Variants in RIMKLB observed in about 807,000 individuals in gnomAD.
RIMKLB encodes ribosomal modification protein rimK like family member B.
Under a neutral mutation model 32.0 loss-of-function variants are expected in RIMKLB, and 7 were observed. That is an observed-to-expected ratio of 0.22 (90% CI 0.12 to 0.41). The LOEUF (loss-of-function observed/expected upper bound fraction) is 0.41, where lower values mean the gene tolerates loss of function less well. RIMKLB is among the 10% of genes least tolerant of loss of function. RIMKLB has a pLI of 1.00. For synonymous variants in RIMKLB, 172 were observed against 185.1 expected (o/e 0.93, Z 0.57); for missense variants, 289 against 498.7 (o/e 0.58, Z 4.00).
In RIMKLB at chr12:8,754,009, C is replaced by T. The variant is rs1294685963; in HGVS notation, c.613C>T (p.Arg205Cys). The change falls in exon 5 of 6, where the codon CGT becomes TGT. Residue 205 changes from arginine to cysteine, a missense_variant. Arg to Cys is a radical substitution (Grantham distance 180). This residue lies in a region of RIMKLB where 156 missense variants were observed against 329.5 expected (regional missense o/e 0.47). Transcript: ENST00000535829. Reference protein sequence around the residue: ...YVKESHGRDVRVIVVGGRVVG... With the variant: ...YVKESHGRDVCVIVVGGRVVG... ...TAAAGAGTCTCATGGACGGGATGTACGTGTCATTGTCGTGGGAGGCCGTGT... is the reference window on the plus strand; with the variant it reads ...TAAAGAGTCTCATGGACGGGATGTATGTGTCATTGTCGTGGGAGGCCGTGT... 1 of 1,613,910 alleles carries T rather than the reference C, an allele frequency of 6.2e-7. No homozygotes were observed. Among genetic ancestry groups the T allele is most frequent in the Non-Finnish European group, 8.5e-7 (1 of 1,179,856 alleles).
At chr12:8,771,963 A>G (rs1950443908) in intron 5 of RIMKLB, among the ~76,000 whole-genome samples, 1 of 152,156 alleles carries the variant, frequency 6.6e-6, no homozygotes. Flanking sequence ...ATCTTGGCTC[A>G]CAGCAACTTC....
intron 5 of RIMKLB, among the ~76,000 whole-genome samples, chr12:8,763,108 C>T (rs978900386): frequency 1.3e-5 from 2 of 152,188 alleles, no homozygotes; most frequent in Admixed American, 1.3e-4. Flanking sequence ...ACAGTAAGAT[C>T]TCTTCCCTGT....
At chr12:8,710,607 A>G (rs927350765) in intron 1 of RIMKLB, among the ~76,000 whole-genome samples, 13 of 152,152 alleles carry the variant, frequency 8.5e-5, no homozygotes, top group African/African-American at 3.1e-4. Context: ...TGCCTGGCCT[A>G]GAAAAACATG....
At chr12:8,781,829 AAGAATGTAAATTTCAATTAAATTTAT>A (rs1265097228), downstream of RIMKLB, among the ~76,000 whole-genome samples, 10 of 151,488 alleles carry the variant, frequency 6.6e-5, no homozygotes, top group East Asian at 1.2e-3. Context: ...TCTAGAATTA[AAGAATGTAAATTTCAATTAAATTTAT>A]AGAATGTAAA....
intron 1 of RIMKLB, among the ~76,000 whole-genome samples, chr12:8,682,618 A>C (rs1397069910): frequency 6.6e-6 from 1 of 151,670 alleles, no homozygotes; most frequent in Non-Finnish European, 1.5e-5. Context: ...TAAGAACACC[A>C]AAAATTAGCC....
At chr12:8,766,781 T>C (rs1389910868) in intron 5 of RIMKLB, among the ~76,000 whole-genome samples, 2 of 152,240 alleles carry the variant, frequency 1.3e-5, no homozygotes, top group Non-Finnish European at 2.9e-5. Flanking sequence ...GGAAATCTGC[T>C]AGGTTAAGGG....
chr12:8,758,349 A>G (rs1052124558), intron 5 of RIMKLB, among the ~76,000 whole-genome samples: 1 of 151,528 alleles, frequency 6.6e-6, no homozygotes, highest in African/African-American at 2.4e-5. Flanking sequence ...TTGAACTCTT[A>G]GCCTCAAGTG....
At chr12:8,673,600 CTT>C in the RIMKLB span, among the ~76,000 whole-genome samples, 8 of 143,658 alleles carry the variant, frequency 5.6e-5, no homozygotes, top group Non-Finnish European at 1.1e-4. Context: ...ACTCGAGCTT[CTT>C]TTTTTTTTTT....
chr12:8,735,692 T>C (rs1306190946), intron 2 of RIMKLB, among the ~76,000 whole-genome samples: 1 of 151,816 alleles, frequency 6.6e-6, no homozygotes, highest in African/African-American at 2.4e-5. Flanking sequence ...TTTATGGGAA[T>C]GGTTATTGAT....
intron 1 of RIMKLB, among the ~76,000 whole-genome samples, chr12:8,708,115 T>C (rs1399914916): frequency 2.6e-5 from 4 of 152,210 alleles, no homozygotes. Context: ...TTCCATTATG[T>C]GTTACAGTAG....
chr12:8,674,224 TTTTTTTTTTTTTTTCC>T, the RIMKLB span, among the ~76,000 whole-genome samples: 4 of 111,602 alleles, frequency 3.6e-5, no homozygotes, highest in African/African-American at 9.0e-5. Flanking sequence ...TCACAATTCT[TTTTTTTTTTTTTTTCC>T]TTTTTTTTTT....
the RIMKLB span, among the ~76,000 whole-genome samples, chr12:8,672,749 T>C: frequency 6.6e-6 from 1 of 152,118 alleles, no homozygotes; most frequent in South Asian, 2.1e-4. Flanking sequence ...GGAAGTGTGC[T>C]ACCTCCCCGC....
chr12:8,717,441 T>TC (rs1944972850), intron 2 of RIMKLB, among the ~76,000 whole-genome samples: 1 of 152,072 alleles, frequency 6.6e-6, no homozygotes, highest in African/African-American at 2.4e-5. Flanking sequence ...CCTTTTTTTT[T>TC]TCCCTCATTG....
intron 2 of RIMKLB, among the ~76,000 whole-genome samples, chr12:8,745,367 A>G (rs111635837): frequency 0.033 from 4,924 of 150,148 alleles, 151 homozygotes; most frequent in Admixed American, 0.066. Context: ...ATATATTCCT[A>G]TTTCTTTAGC....
At chr12:8,750,185 A>G (rs1565613686) in intron 3 of RIMKLB, 93 bp downstream of exon 3, 4 of 704,226 alleles carry the variant, frequency 5.7e-6, no homozygotes, top group Admixed American at 2.3e-5. Context: ...ACCTTATAGA[A>G]GTGTCTTTCA....
intron 4 of RIMKLB, among the ~76,000 whole-genome samples, chr12:8,753,073 A>T (rs1006437586): frequency 6.6e-6 from 1 of 152,158 alleles, no homozygotes; most frequent in Non-Finnish European, 1.5e-5. Flanking sequence ...GCATAAAATG[A>T]TATATCAGTC....
downstream of RIMKLB, chr12:8,777,610 A>G: frequency 1.6e-6 from 2 of 1,288,862 alleles, no homozygotes; most frequent in African/African-American, 1.5e-5. Context: ...AGCCAAAAAA[A>G]CAAATACAAA....
rs374947376 is a variant in RIMKLB at position 8,750,347 on chromosome 12, C to T, written c.406+255C>T. ...GCCATTAAGTTCTCTGGTAACCCTC[C>T]GTAATGCTGTTGTAGCATGAAAGCT... On this transcript the variant is annotated intron_variant, in intron 3 of 5. Coordinates refer to ENST00000535829, the MANE Select transcript of RIMKLB (RefSeq NM_001297776.2). Among the ~76,000 whole-genome samples the T allele has an allele frequency of 5.3e-5, 8 of 152,250 alleles. No individual in the cohort carries two copies. The East Asian group carries it at 9.6e-4, about 18-fold the overall frequency.
chr12:8,713,913 G>A lies in RIMKLB; in HGVS notation c.47G>A (p.Arg16His), dbSNP rs768420758. ...AAGTTGTGGTTTTTGACAGATCGTC[G>A]CATCAGGGAAGACTATCCTCAAAAA... ...AAKLWFLTDR[R>H]IREDYPQKEI... Residue 16 changes from arginine (R) to histidine (H), a missense_variant, in exon 2 of 6, where the codon CGC becomes CAC. Around this residue, in one of 3 missense-constraint regions of RIMKLB, gnomAD observed 34 missense variants for 35.3 expected, o/e 0.96. Transcript: ENST00000535829. 5 of 1,613,964 alleles carry A rather than the reference G, an allele frequency of 3.1e-6. No homozygotes were observed. The highest frequency in any genetic ancestry group is 1.1e-5 in the South Asian group (1 of 91,084).
Sources: gnomAD v4.1 joint callset for allele counts (sites outside exome capture counted in the v4.1 genomes callset) on GRCh38, gnomAD v4.1.1 for gene constraint, gnomAD v4.1.1 regional missense constraint, MANE v1.5 for transcripts, NCBI Gene and HGNC (gene_info 2026-07-23, HGNC 2026-07-21) for gene names.